CCDC148: variants seen among roughly 807,000 people sequenced by gnomAD.
CCDC148 encodes coiled-coil domain containing 148.
A neutral mutation model predicts 85.7 loss-of-function variants in CCDC148; 89 were observed. The observed-to-expected ratio is 1.04, with a 90% CI of 0.87 to 1.24. The LOEUF is 1.24. Among genes scored for constraint, CCDC148 ranks in the 50% most tolerant of loss-of-function variants. The pLI is 0.00. For missense variants in CCDC148, 692 were observed against 671.7 expected (o/e 1.03, Z -0.33); for synonymous variants, 230 against 213.9 (o/e 1.08, Z -0.66).
At chr2:158,181,864 T>G (rs987779008) in intron 11 of CCDC148, among the ~76,000 whole-genome samples, 1 of 151,416 alleles carries the variant, frequency 6.6e-6, no homozygotes, top group African/African-American at 2.4e-5. Context: ...TGCTGTGATA[T>G]GCAGGATGGG....
At position 158,419,335 on chromosome 2, in the gene CCDC148, T is replaced by C. The variant is rs562213540; in HGVS notation, c.25+37080A>G. 7.2e-5 allele frequency among the ~76,000 whole-genome samples: 11 copies of C among 152,306 alleles called. No individual in the cohort carries two copies. The South Asian group carries it at 2.3e-3, about 32-fold the overall frequency. On this transcript the variant is annotated intron_variant, in intron 1 of 13. Transcript: ENST00000283233. ...AGTCACTGAAGTTTTAAAAAACCTT[T>C]TTTTACAAGATAATTTTGTGATTGA...
intron 11 of CCDC148, among the ~76,000 whole-genome samples, chr2:158,181,882 G>A (rs1231530292): frequency 6.6e-6 from 1 of 151,842 alleles, no homozygotes; most frequent in Non-Finnish European, 1.5e-5. Flanking sequence ...GGGTTGTTGG[G>A]AGGCAAGACT....
At chr2:158,408,307 T>A (rs1686111825) in intron 1 of CCDC148, among the ~76,000 whole-genome samples, 1 of 152,164 alleles carries the variant, frequency 6.6e-6, no homozygotes, top group Admixed American at 6.5e-5. Context: ...ACTATAGTCA[T>A]ATTGCTGTAC....
At chr2:158,303,486 AG>A (rs1400266452) in intron 9 of CCDC148, among the ~76,000 whole-genome samples, 1 of 152,206 alleles carries the variant, frequency 6.6e-6, no homozygotes. Flanking sequence ...GTTTCCTTCC[AG>A]GTTAAAAAAA....
At chr2:158,280,194 G>A (rs926587727) in intron 9 of CCDC148, among the ~76,000 whole-genome samples, 2 of 152,168 alleles carry the variant, frequency 1.3e-5, no homozygotes, top group Non-Finnish European at 2.9e-5. Context: ...AAAGAGCATC[G>A]AGACTTGGAA....
chr2:158,240,481 C>G (rs927219001), intron 10 of CCDC148, among the ~76,000 whole-genome samples: 1 of 151,484 alleles, frequency 6.6e-6, no homozygotes, highest in African/African-American at 2.4e-5. Flanking sequence ...CACACACACA[C>G]ACACACACAC....
intron 2 of CCDC148, among the ~76,000 whole-genome samples, chr2:158,355,072 C>G (rs1267585450): frequency 6.6e-6 from 1 of 151,422 alleles, no homozygotes; most frequent in Non-Finnish European, 1.5e-5. Flanking sequence ...ATTGATGGGA[C>G]GTATTTCAAA....
chr2:158,230,096 A>G (rs544324582), intron 10 of CCDC148, among the ~76,000 whole-genome samples: 98 of 152,274 alleles, frequency 6.4e-4, no homozygotes, highest in African/African-American at 2.3e-3. Context: ...CCTTACCTAT[A>G]GTATTAAACC....
intron 1 of CCDC148, among the ~76,000 whole-genome samples, chr2:158,370,807 A>C (rs1684404738): frequency 6.6e-6 from 1 of 151,910 alleles, no homozygotes; most frequent in Admixed American, 6.6e-5. Context: ...CAAATGAAAA[A>C]CAAAATATCT....
chr2:158,426,732 G>A (rs529686578), intron 1 of CCDC148, among the ~76,000 whole-genome samples: 5 of 152,214 alleles, frequency 3.3e-5, no homozygotes, highest in African/African-American at 7.2e-5. Flanking sequence ...TTATGAACCT[G>A]CCTTTTAAAA....
intron 10 of CCDC148, among the ~76,000 whole-genome samples, chr2:158,242,779 T>C (rs1311021934): frequency 1.3e-5 from 2 of 152,024 alleles, no homozygotes; most frequent in African/African-American, 4.8e-5. Context: ...CATTTAGTTA[T>C]AGGTTTAAGG....
chr2:158,435,470 G>A (rs1430829993), intron 1 of CCDC148, among the ~76,000 whole-genome samples: 1 of 152,176 alleles, frequency 6.6e-6, no homozygotes, highest in Non-Finnish European at 1.5e-5. Context: ...AAGAGCTCCT[G>A]AAGGAAGCAA....
At position 158,172,240 on chromosome 2, in the gene CCDC148, A is replaced by T. The variant is rs1684351085; in HGVS notation, c.1649T>A (p.Leu550His). 2 of 1,605,504 alleles carry T rather than the reference A, an allele frequency of 1.2e-6. No individual in the cohort carries two copies. The highest frequency in any genetic ancestry group is 1.7e-6 in the Non-Finnish European group (2 of 1,175,982). Residue 550 changes from leucine (L) to histidine (H), a missense_variant, in exon 14 of 14, where the codon CTT becomes CAT. By Grantham distance (99) the Leu-to-His change is moderately conservative. Transcript: ENST00000283233. Reference sequence around the variant, plus strand: ...TTCTCGAAGTGCTAACTCGAAGCGAAGTCTAGGGTCAGAAATTATCTGTAG... The same window carrying T: ...TTCTCGAAGTGCTAACTCGAAGCGATGTCTAGGGTCAGAAATTATCTGTAG... ...NEQQIISDPR[L>H]RFELALREAG...
At position 158,172,106 on chromosome 2, in the gene CCDC148, A is replaced by C; in HGVS notation, c.*7T>G. On this transcript the variant is annotated 3_prime_UTR_variant, in exon 14 of 14. Coordinates refer to ENST00000283233, the MANE Select transcript of CCDC148 (RefSeq NM_138803.4). ...TGCTCTTTACATATAGAATTTGAGG[A>C]TGAGCTCTATATTTTAAATACAGTA... The C allele has an allele frequency of 6.4e-7, 1 of 1,573,558 alleles. No individual in the cohort carries two copies. Among genetic ancestry groups the C allele is most frequent in the Non-Finnish European group, 8.6e-7 (1 of 1,164,208 alleles).
chr2:158,328,282 C>A (rs1692895098), intron 7 of CCDC148, among the ~76,000 whole-genome samples: 1 of 151,974 alleles, frequency 6.6e-6, no homozygotes. Flanking sequence ...TTTGTCCTTG[C>A]AATAGTTTGC....
chr2:158,453,746 G>A (rs992505458), intron 1 of CCDC148, among the ~76,000 whole-genome samples: 48 of 152,200 alleles, frequency 3.2e-4, no homozygotes, highest in African/African-American at 1.0e-3. Context: ...CAAAGTTTTC[G>A]TAATCTTAAA....
chr2:158,422,928 T>C (rs1686874861), intron 1 of CCDC148, among the ~76,000 whole-genome samples: 1 of 152,072 alleles, frequency 6.6e-6, no homozygotes, highest in Non-Finnish European at 1.5e-5. Flanking sequence ...CAAGCGGTCC[T>C]ATACACCAAT....
intron 10 of CCDC148, among the ~76,000 whole-genome samples, chr2:158,247,552 G>A (rs955067620): frequency 8.6e-5 from 13 of 151,970 alleles, no homozygotes; most frequent in South Asian, 2.1e-4. Context: ...CTTCTACTAC[G>A]GAACACTATG....
intron 1 of CCDC148, among the ~76,000 whole-genome samples, chr2:158,401,128 T>C (rs1214486930): frequency 6.6e-6 from 1 of 152,166 alleles, no homozygotes; most frequent in East Asian, 1.9e-4. Context: ...TCAACCATTG[T>C]GGAAGACACT....
Sources: allele counts gnomAD v4.1 joint callset (sites outside exome capture counted in the v4.1 genomes callset), GRCh38; gene constraint gnomAD v4.1.1; transcripts MANE v1.5; gene names NCBI Gene and HGNC (gene_info 2026-07-23, HGNC 2026-07-21).